Variants in GALNT1 observed in about 807,000 individuals in gnomAD.
GALNT1 encodes polypeptide N-acetylgalactosaminyltransferase 1.
Under a neutral mutation model 65.7 loss-of-function variants are expected in GALNT1, and 17 were observed. That is an observed-to-expected ratio of 0.26 (90% CI 0.18 to 0.39). The LOEUF is 0.39. Among genes scored for constraint, GALNT1 ranks in the 10% least tolerant of loss-of-function variants. The pLI is 1.00. For synonymous variants in GALNT1, 210 were observed against 219.7 expected (o/e 0.96, Z 0.39); for missense variants, 460 against 672.8 (o/e 0.68, Z 3.50).
intron 7 of GALNT1, among the ~76,000 whole-genome samples, chr18:35,690,590 T>A (rs1378178375): frequency 6.6e-6 from 1 of 152,198 alleles, no homozygotes; most frequent in Admixed American, 6.5e-5. Flanking sequence ...AGATCCCATA[T>A]CTTTTCTGTA....
At chr18:35,624,896 A>G (rs1010882872) in intron 1 of GALNT1, among the ~76,000 whole-genome samples, 6 of 152,160 alleles carry the variant, frequency 3.9e-5, no homozygotes, top group Non-Finnish European at 8.8e-5. Flanking sequence ...GAACTCTTCT[A>G]CCTTGTGCCA....
chr18:35,587,080 T>C (rs1439387984), intron 1 of GALNT1, among the ~76,000 whole-genome samples: 1 of 152,220 alleles, frequency 6.6e-6, no homozygotes, highest in Admixed American at 6.5e-5. Context: ...TTTGTTTTGT[T>C]ACATTTGTAA....
Position 35,700,559 on chromosome 18 carries a change from C to T in GALNT1, c.1300-2338C>T, listed in dbSNP as rs184066452. ...AACTCCACTTTCAACATCTAATGGT[C>T]AGTAGTAACCCCAAAGGATAGAGGC... On this transcript the variant is annotated intron_variant, in intron 9 of 11. Transcript: ENST00000269195. Among the ~76,000 whole-genome samples, 282 of 152,260 alleles carry T rather than the reference C, an allele frequency of 1.9e-3. 1 individual carries two copies. The highest frequency in any genetic ancestry group is 5.7e-4 in the Non-Finnish European group (39 of 68,018).
intron 4 of GALNT1, among the ~76,000 whole-genome samples, chr18:35,678,043 T>C (rs1363750974): frequency 6.6e-6 from 1 of 152,148 alleles, no homozygotes; most frequent in Non-Finnish European, 1.5e-5. Context: ...GAAAAAACTC[T>C]CATCATTTTG....
intron 2 of GALNT1, among the ~76,000 whole-genome samples, chr18:35,659,542 C>T (rs1260276412): frequency 6.6e-6 from 1 of 152,190 alleles, no homozygotes; most frequent in Non-Finnish European, 1.5e-5. Context: ...TTACACTCTT[C>T]TGCTTTCCAG....
intron 1 of GALNT1, among the ~76,000 whole-genome samples, chr18:35,653,420 C>T (rs2047335339): frequency 1.3e-5 from 2 of 152,186 alleles, no homozygotes; most frequent in Non-Finnish European, 1.5e-5. Context: ...CTGTTGGCCA[C>T]CATGGAACTT....
intron 11 of GALNT1, among the ~76,000 whole-genome samples, chr18:35,709,246 A>G (rs2048315773): frequency 6.6e-6 from 1 of 152,212 alleles, no homozygotes; most frequent in Non-Finnish European, 1.5e-5. Context: ...GGAACCACTA[A>G]TCTGGTCTTT....
chr18:35,677,518 C>G, intron 3 of GALNT1, 73 bp from the exon 4 acceptor site: 1 of 1,204,266 alleles, frequency 8.3e-7, no homozygotes, highest in African/African-American at 1.5e-5. Context: ...GTTCTATCAC[C>G]CTTCTAGTCC....
intron 3 of GALNT1, chr18:35,664,040 G>A: frequency 4.6e-6 from 2 of 436,752 alleles, no homozygotes; most frequent in South Asian, 2.9e-5. Flanking sequence ...GGATTAGAAG[G>A]GGATTTTAAA....
chr18:35,646,356 A>G (rs750765341), intron 1 of GALNT1, among the ~76,000 whole-genome samples: 14 of 152,212 alleles, frequency 9.2e-5, no homozygotes, highest in Non-Finnish European at 1.9e-4. Flanking sequence ...GAGCCAAACT[A>G]TATCAAGCAT....
At chr18:35,603,163 A>G (rs1265150892) in intron 1 of GALNT1, among the ~76,000 whole-genome samples, 2 of 152,120 alleles carry the variant, frequency 1.3e-5, no homozygotes, top group Non-Finnish European at 2.9e-5. Context: ...TTTTCTCCTT[A>G]CAAGCTTCTT....
intron 9 of GALNT1, 88 bp from the exon 10 acceptor site, chr18:35,702,809 G>A: frequency 1.3e-6 from 1 of 789,648 alleles, no homozygotes; most frequent in South Asian, 2.5e-5. Context: ...GGAAAGTTTA[G>A]GTTGATATTT....
At chr18:35,589,040 C>T (rs192482021) in intron 1 of GALNT1, among the ~76,000 whole-genome samples, 10 of 152,186 alleles carry the variant, frequency 6.6e-5, no homozygotes, top group East Asian at 1.9e-4. Context: ...TGTTTTAGCT[C>T]GCTTTGTTTT....
chr18:35,625,881 GAGA>G (rs1365584359), intron 1 of GALNT1, among the ~76,000 whole-genome samples: 1 of 152,140 alleles, frequency 6.6e-6, no homozygotes, highest in Non-Finnish European at 1.5e-5. Context: ...ATTAAAGTAT[GAGA>G]AGAAATTAGT....
chr18:35,631,988 A>T (rs2047018992), intron 1 of GALNT1, among the ~76,000 whole-genome samples: 1 of 152,206 alleles, frequency 6.6e-6, no homozygotes. Context: ...AATCCAACTT[A>T]CAAGGGATGT....
At chr18:35,583,048 A>G (rs372847335) in intron 1 of GALNT1, among the ~76,000 whole-genome samples, 55 of 152,236 alleles carry the variant, frequency 3.6e-4, no homozygotes, top group African/African-American at 1.3e-3. Context: ...ATATTTACTG[A>G]ATGCGATCTG....
At chr18:35,644,671 A>G (rs570654862) in intron 1 of GALNT1, among the ~76,000 whole-genome samples, 4 of 152,140 alleles carry the variant, frequency 2.6e-5, no homozygotes, top group Non-Finnish European at 4.4e-5. Flanking sequence ...TTGGGTTACC[A>G]TATGGTTTTA....
intron 8 of GALNT1, among the ~76,000 whole-genome samples, chr18:35,691,499 T>G (rs917525222): frequency 7.9e-5 from 12 of 152,184 alleles, no homozygotes; most frequent in African/African-American, 2.7e-4. Context: ...TTTCATCTTG[T>G]TAAATTTTCA....
chr18:35,627,890 G>A (rs1222226217), intron 1 of GALNT1, among the ~76,000 whole-genome samples: 2 of 152,146 alleles, frequency 1.3e-5, no homozygotes, highest in African/African-American at 4.8e-5. Flanking sequence ...CTTTTCTGAT[G>A]GTCTTAGCAA....
Sources: gnomAD v4.1 joint callset for allele counts (sites outside exome capture counted in the v4.1 genomes callset) on GRCh38, gnomAD v4.1.1 for gene constraint, MANE v1.5 for transcripts, NCBI Gene and HGNC (gene_info 2026-07-23, HGNC 2026-07-21) for gene names.